The following CAMKK1 variants were observed in gnomAD, a reference collection of about 807,000 sequenced individuals.
CAMKK1 encodes the protein calcium/calmodulin-dependent protein kinase kinase 1.
Under a neutral mutation model 63.5 loss-of-function variants are expected in CAMKK1, and 20 were observed. The observed-to-expected ratio is 0.32, with a 90% CI of 0.22 to 0.46. The LOEUF (loss-of-function observed/expected upper bound fraction) is 0.46. Among genes scored for constraint, CAMKK1 ranks in the 20% least tolerant of loss-of-function variants. The probability of loss-of-function intolerance (pLI) is 1.00; values close to 1 mark genes in which losing one functional copy is unlikely to be tolerated. For missense variants in CAMKK1, 588 were observed against 658.1 expected (o/e 0.89, Z 1.17); for synonymous variants, 253 against 269.0 (o/e 0.94, Z 0.58).
chr17:3,873,521 G>A (rs578261260), intron 10 of CAMKK1, 59 bp from the exon 11 acceptor site: 3 of 1,546,290 alleles, frequency 1.9e-6, no homozygotes, highest in East Asian at 4.5e-5. Context: ...TGCCCACCCA[G>A]CTCCAGCGGG....
At position 3,860,508 on chromosome 17, in the gene CAMKK1, G is replaced by A. The variant is rs2054305878; in HGVS notation, c.*1703C>T. On this transcript the variant is annotated 3_prime_UTR_variant, in exon 16 of 16. Coordinates refer to ENST00000348335, the MANE Select transcript of CAMKK1 (RefSeq NM_032294.3). ...CCTACCCCTGAGCTTTCCAAGGGTG[G>A]GTCCGATCAAAGTGGTCCCCCCAGA... The A allele has an allele frequency of 2.0e-5, 3 of 152,556 alleles. No homozygotes were observed. The highest frequency in any genetic ancestry group is 1.3e-4 in the Admixed American group (2 of 15,272). The allele number at this position is 152,556 out of a possible 1,614,324, so 9.5% of individuals were successfully genotyped here. A position where few individuals can be genotyped will look rare whatever the true frequency, so the allele number is the denominator to read the frequency against.
chr17:3,878,008 C>T (rs938063610), intron 9 of CAMKK1, among the ~76,000 whole-genome samples: 1 of 152,216 alleles, frequency 6.6e-6, no homozygotes, highest in Non-Finnish European at 1.5e-5. Flanking sequence ...GCCCCTGCTG[C>T]TCCCCATTCT....
Position 3,885,702 on chromosome 17 carries a change from G to T in CAMKK1, c.-15C>A. 1.2e-6 allele frequency: 2 copies of T among 1,610,826 alleles called. No individual in the cohort carries two copies. The highest frequency in any genetic ancestry group is 8.5e-7 in the Non-Finnish European group (1 of 1,179,928). ...CCCCCCTCCATTGCTTCAGTCAAGG[G>T]GGTTCTTCTGCGTAGCCTTGTTGGG... On this transcript the variant is annotated 5_prime_UTR_variant, in exon 2 of 16. Coordinates refer to ENST00000348335, the MANE Select transcript of CAMKK1 (RefSeq NM_032294.3).
At chr17:3,878,424 G>A (rs1037370770) in intron 9 of CAMKK1, among the ~76,000 whole-genome samples, 1 of 152,208 alleles carries the variant, frequency 6.6e-6, no homozygotes, top group Non-Finnish European at 1.5e-5. Flanking sequence ...GGAGGCTAGG[G>A]GATAGCAGAC....
chr17:3,871,915 G>A (rs911307850), intron 12 of CAMKK1, among the ~76,000 whole-genome samples: 8 of 152,060 alleles, frequency 5.3e-5, no homozygotes, highest in Admixed American at 3.3e-4. Flanking sequence ...CAAAGTGCTG[G>A]GATTACAGGC....
intron 15 of CAMKK1, among the ~76,000 whole-genome samples, chr17:3,864,067 C>A (rs2054418906): frequency 6.6e-6 from 1 of 151,896 alleles, no homozygotes; most frequent in Non-Finnish European, 1.5e-5. Context: ...ATCCTCCCAC[C>A]TCAGCCTCCT....
In CAMKK1 at chr17:3,882,471, G is replaced by T; in HGVS notation, c.685+57C>A. The T allele has an allele frequency of 1.3e-6, 2 of 1,596,574 alleles. No individual in the cohort carries two copies. Among genetic ancestry groups the T allele is most frequent in the East Asian group, 2.2e-5 (1 of 44,560 alleles). On this transcript the variant is annotated intron_variant, in intron 7 of 15. Transcript: ENST00000348335. This position sits in a 1 kb window ranked among gnomAD's most constrained non-coding sequence, Gnocchi z 4.3. ...CACCTGAAGGTCATACATGTCCCAA[G>T]GGAGCCCTTGGGCCAGCCCTGAGTG...
intron 9 of CAMKK1, among the ~76,000 whole-genome samples, chr17:3,876,630 G>A (rs1324196212): frequency 1.3e-5 from 2 of 152,186 alleles, no homozygotes; most frequent in Admixed American, 6.5e-5. Context: ...GCAGAGCCAG[G>A]ACTGGAATCT....
intron 14 of CAMKK1, among the ~76,000 whole-genome samples, chr17:3,867,654 T>C (rs2054585835): frequency 6.6e-6 from 1 of 151,302 alleles, no homozygotes; most frequent in South Asian, 2.1e-4. Flanking sequence ...CCCCACAGAG[T>C]CAAGTAAGCA....
In CAMKK1 at chr17:3,890,894, A is replaced by G. The variant is rs1055305027; in HGVS notation, c.-44+2045T>C. ...AGCTCACCAAGTCAAACCCCTTAGA[A>G]GTCCAGATTCTACCCACTGCTTCGT... On this transcript the variant is annotated intron_variant, in intron 1 of 15. Coordinates refer to ENST00000348335, the MANE Select transcript of CAMKK1 (RefSeq NM_032294.3). This position sits in a 1 kb window ranked among gnomAD's most constrained non-coding sequence, Gnocchi z 6.5. 6.6e-6 allele frequency among the ~76,000 whole-genome samples: 1 copy of G among 152,136 alleles called. No individual in the cohort carries two copies. Among genetic ancestry groups the G allele is most frequent in the Non-Finnish European group, 1.5e-5 (1 of 68,024 alleles).
chr17:3,869,795 CCCG>C lies in CAMKK1; in HGVS notation c.1212+3_1212+5del. 6.2e-7 allele frequency: 1 copy of C among 1,613,970 alleles called. No individual in the cohort carries two copies. Among genetic ancestry groups the C allele is most frequent in the Non-Finnish European group, 8.5e-7 (1 of 1,179,822 alleles). On this transcript the variant is annotated splice_donor_5th_base_variant and intron_variant, in intron 13 of 15. Transcript: ENST00000348335. ...CAGCCCAGCCCAAGACCCCCAGTTC[CCCG>C]ACCTTGATGTCTGGCACCCCAATTC... is the stretch of plus-strand genomic sequence containing the variant.
rs1410721606 is a variant in CAMKK1, at chr17:3,883,325, T to G, written c.514+104A>C. The G allele has an allele frequency of 8.1e-6, 12 of 1,473,948 alleles. No individual in the cohort carries two copies. Among genetic ancestry groups the G allele is most frequent in the Non-Finnish European group, 1.0e-5 (11 of 1,055,798 alleles). 91.3% of individuals were successfully genotyped at this position (1,473,948 alleles called of 1,614,324 possible). ...TGTCCCCAGGCCTCTGCTCACGCTG[T>G]CTCCCTCTCTACCCCATTCCTAGCC... On this transcript the variant is annotated intron_variant, in intron 5 of 15. Transcript: ENST00000348335. The surrounding 1 kb of genome is among the most constrained non-coding windows in gnomAD (Gnocchi z 4.7).
chr17:3,866,652 C>A (rs1376618816), intron 14 of CAMKK1, among the ~76,000 whole-genome samples: 1 of 152,240 alleles, frequency 6.6e-6, no homozygotes, highest in Non-Finnish European at 1.5e-5. Flanking sequence ...CCACTGGCTG[C>A]CTACTGGGTG....
Position 3,881,628 on chromosome 17 carries a change from C to A in CAMKK1, c.706G>T (p.Gly236Trp). The A allele has an allele frequency of 6.4e-7, 1 of 1,570,052 alleles. No individual in the cohort carries two copies. Among genetic ancestry groups the A allele is most frequent in the South Asian group, 1.2e-5 (1 of 85,556 alleles). Residue 236 changes from glycine to tryptophan, a missense_variant and splice_region_variant, in exon 8 of 16, where the codon GGG (glycine) becomes TGG (tryptophan). By Grantham distance (184) the Gly-to-Trp change is radical. Transcript: ENST00000348335. ...LYLVFDLLRK[G>W]PVMEVPCDKP... ...GCCTGATCAGGACGGGGAACTCACCCCTTTCTCAGGAGGTCAAACACTGAA... is the reference window on the plus strand; with the variant it reads ...GCCTGATCAGGACGGGGAACTCACCACTTTCTCAGGAGGTCAAACACTGAA...
rs940687079 is a variant in CAMKK1 at position 3,875,058 on chromosome 17, C to T, written c.996+1165G>A. 3.3e-5 allele frequency among the ~76,000 whole-genome samples: 5 copies of T among 151,864 alleles called. No homozygotes were observed. In the East Asian group the frequency reaches 7.8e-4, roughly 24 times the overall value. On this transcript the variant is annotated intron_variant, in intron 10 of 15. Transcript: ENST00000348335. ...AATGGCGTGAACCCAGGAGGTGGAG[C>T]TTGCAGTGAGCTGAGATCGCGCCAC...
chr17:3,875,467 T>G lies in CAMKK1; in HGVS notation c.996+756A>C, dbSNP rs574742711. ...TGTCTAATGTTTTTATTTTTTTTTTTGTAGAAATGGGGTCTTGCTATGTTG... is the reference window on the plus strand; with the variant it reads ...TGTCTAATGTTTTTATTTTTTTTTTGGTAGAAATGGGGTCTTGCTATGTTG... On this transcript the variant is annotated intron_variant, in intron 10 of 15. Coordinates refer to ENST00000348335, the MANE Select transcript of CAMKK1 (RefSeq NM_032294.3). Among the ~76,000 whole-genome samples the G allele has an allele frequency of 1.4e-3, 207 of 151,874 alleles. 1 individual carries two copies. Among genetic ancestry groups the G allele is most frequent in the African/African-American group, 4.8e-3 (200 of 41,354 alleles).
chr17:3,867,363 C>T (rs911171957), intron 14 of CAMKK1, among the ~76,000 whole-genome samples: 9 of 152,102 alleles, frequency 5.9e-5, no homozygotes, highest in Non-Finnish European at 8.8e-5. Context: ...GCACGAGCCC[C>T]GCAGAAAAAC....
In CAMKK1 at chr17:3,869,960, C is replaced by T. The variant is rs60445582; in HGVS notation, c.1125-72G>A. 5.2e-3 allele frequency: 6,565 copies of T among 1,250,630 alleles called. 275 individuals are homozygous for T. The African/African-American group carries it at 0.085, about 16-fold the overall frequency. 77.5% of individuals were successfully genotyped at this position (1,250,630 alleles called of 1,614,324 possible). On this transcript the variant is annotated intron_variant, in intron 12 of 15. Coordinates refer to ENST00000348335, the MANE Select transcript of CAMKK1 (RefSeq NM_032294.3). The stretch of plus-strand genomic sequence containing the variant: ...ACCCCTTCCTGTCCACCTCTCTTCC[C>T]GAAACCTTCGTCCCTCGGATGGGAA...
chr17:3,871,359 T>TTTTTTTTTTTTTTTTTTTTTTTTTTTTC (rs2054855398), intron 12 of CAMKK1, among the ~76,000 whole-genome samples: 1 of 105,690 alleles, frequency 9.5e-6, no homozygotes, highest in Non-Finnish European at 1.9e-5. Context: ...TTTTTTTTTT[T>TTTTTTTTTTTTTTTTTTTTTTTTTTTTC]TTTTTTTTTT....
Sources: gnomAD v4.1 joint callset for allele counts (sites outside exome capture counted in the v4.1 genomes callset) on GRCh38, gnomAD v4.1.1 for gene constraint, Gnocchi (gnomAD v3.1) non-coding constraint, MANE v1.5 for transcripts, NCBI Gene and HGNC (gene_info 2026-07-23, HGNC 2026-07-21) for gene names.